HHIPL1: variants seen among roughly 807,000 people sequenced by gnomAD.
The protein encoded by HHIPL1 is HHIP like 1, also known as HHIP-like protein 1.
A neutral mutation model predicts 61.8 loss-of-function variants in HHIPL1; 43 were observed. That is an observed-to-expected ratio of 0.70 (90% confidence interval 0.55 to 0.90). The LOEUF is 0.90. Ranked by LOEUF, HHIPL1 falls within the 40% of genes least tolerant of loss-of-function variation. The pLI, the probability that HHIPL1 is intolerant of heterozygous loss-of-function variation, is 0.00. For synonymous variants in HHIPL1, 482 were observed against 515.8 expected (o/e 0.93, Z 0.89); for missense variants, 1,056 against 1,157.7 (o/e 0.91, Z 1.28).
At chr14:99,632,620 C>T in the HHIPL1 span, among the ~76,000 whole-genome samples, 1 of 152,108 alleles carries the variant, frequency 6.6e-6, no homozygotes, top group Non-Finnish European at 1.5e-5. Flanking sequence ...GCAGCCAGGA[C>T]CACAGTGGCG....
At chr14:99,643,430 A>C (rs1476308783), upstream of HHIPL1, among the ~76,000 whole-genome samples, 1 of 151,988 alleles carries the variant, frequency 6.6e-6, no homozygotes, top group African/African-American at 2.4e-5. Context: ...AACCGAGGTA[A>C]ATAGGTATTA....
chr14:99,653,491 C>A (rs1375935110), intron 2 of HHIPL1, among the ~76,000 whole-genome samples: 2 of 152,210 alleles, frequency 1.3e-5, no homozygotes, highest in African/African-American at 4.8e-5. Context: ...CACCACCACA[C>A]CTGGCTAATT....
chr14:99,616,661 G>GT, the HHIPL1 span, among the ~76,000 whole-genome samples: 5 of 152,044 alleles, frequency 3.3e-5, no homozygotes, highest in South Asian at 2.1e-4. Flanking sequence ...GACTTTTTTG[G>GT]TTTTTTTAAA....
At chr14:99,630,767 G>A in the HHIPL1 span, among the ~76,000 whole-genome samples, 1 of 152,216 alleles carries the variant, frequency 6.6e-6, no homozygotes, top group African/African-American at 2.4e-5. Flanking sequence ...CTGGAGGTTG[G>A]AAGTCCGAGA....
At chr14:99,638,316 G>A in the HHIPL1 span, among the ~76,000 whole-genome samples, 1 of 152,234 alleles carries the variant, frequency 6.6e-6, no homozygotes, top group Non-Finnish European at 1.5e-5. Flanking sequence ...CACCTTGGCG[G>A]TTCTTCTCAA....
In HHIPL1 at chr14:99,675,860, C is replaced by A; in HGVS notation, c.*234C>A. 1 of 425,020 alleles carries A rather than the reference C, an allele frequency of 2.4e-6. No homozygotes were observed. Among genetic ancestry groups the A allele is most frequent in the South Asian group, 7.5e-5 (1 of 13,362 alleles). 26.3% of individuals were successfully genotyped at this position (425,020 alleles called of 1,614,324 possible). On this transcript the variant is annotated 3_prime_UTR_variant, in exon 9 of 9. Transcript: ENST00000330710. The surrounding 1 kb of genome is among the most constrained non-coding windows in gnomAD (Gnocchi z 5.4). ...CTGGAAGTGCATGGTCCATCATGGG[C>A]GGGAGGAGTTCCTTTCTTACCTCCA... is the stretch of plus-strand genomic sequence containing the variant.
rs371967131 is a variant in HHIPL1 at position 99,669,844 on chromosome 14, GA to G, written c.1730+1543del. ...GGATGCTAAGGTGAGAGGATCACTC[GA>G]ACTCAGGAGGTCGAGGCTGCAGTGA... On this transcript the variant is annotated intron_variant, in intron 7 of 8. Transcript: ENST00000330710. 3.0e-3 allele frequency among the ~76,000 whole-genome samples: 462 copies of G among 152,278 alleles called. 7 individuals are homozygous for G. In the Middle Eastern group the frequency reaches 0.048, roughly 16 times the overall value.
At chr14:99,672,842 G>T (rs897222544) in intron 8 of HHIPL1, among the ~76,000 whole-genome samples, 25 of 152,194 alleles carry the variant, frequency 1.6e-4, no homozygotes, top group Admixed American at 1.3e-3. Flanking sequence ...TGGGGGAAGG[G>T]GATGCCCCAG....
chr14:99,632,434 G>A, the HHIPL1 span, among the ~76,000 whole-genome samples: 1 of 152,110 alleles, frequency 6.6e-6, no homozygotes. Context: ...GGCTTCACAG[G>A]GCAGGGCTGC....
At position 99,675,522 on chromosome 14, in the gene HHIPL1, G is replaced by C. The variant is rs542239775; in HGVS notation, c.2245G>C (p.Glu749Gln). ...GGACGATGTGCGCTGCGCGGGCTGG[G>C]AGCGGAACCTGCTGGAGTGCCAGCA... ...LLDDVRCAGW[E>Q]RNLLECQHNG... Residue 749 changes from glutamate to glutamine, a missense_variant, in exon 9 of 9, where the codon GAG becomes CAG. Physicochemically the swap from Glu to Gln is conservative, Grantham distance 29 (BLOSUM62 2). Coordinates refer to ENST00000330710, the MANE Select transcript of HHIPL1 (RefSeq NM_001127258.3). The surrounding 1 kb of genome is among the most constrained non-coding windows in gnomAD (Gnocchi z 5.4). The C allele has an allele frequency of 1.9e-6, 3 of 1,542,340 alleles. No individual in the cohort carries two copies. In the African/African-American group the frequency reaches 4.1e-5, roughly 21 times the overall value.
chr14:99,667,097 C>T (rs1487959643), intron 6 of HHIPL1, among the ~76,000 whole-genome samples: 1 of 151,778 alleles, frequency 6.6e-6, no homozygotes. Context: ...CCCCTCCCTG[C>T]CCCCAGTCCA....
chr14:99,645,784 C>T (rs1250031946), intron 1 of HHIPL1, among the ~76,000 whole-genome samples: 1 of 152,212 alleles, frequency 6.6e-6, no homozygotes, highest in African/African-American at 2.4e-5. Context: ...CCCCTGGAGT[C>T]GACCCCTCAG....
At chr14:99,620,986 G>C in the HHIPL1 span, among the ~76,000 whole-genome samples, 1 of 152,240 alleles carries the variant, frequency 6.6e-6, no homozygotes, top group East Asian at 1.9e-4. Flanking sequence ...CCTGTCCCTA[G>C]AGGTGAACAA....
chr14:99,670,083 A>G (rs2895812), intron 7 of HHIPL1, among the ~76,000 whole-genome samples: 115,666 of 151,686 alleles, frequency 0.76, 44,329 homozygotes, highest in Middle Eastern at 0.83. Flanking sequence ...GTCCATCACT[A>G]TTAATTAAAC....
the HHIPL1 span, among the ~76,000 whole-genome samples, chr14:99,637,247 A>AGT: frequency 6.9e-6 from 1 of 144,964 alleles, no homozygotes; most frequent in African/African-American, 2.7e-5. Flanking sequence ...AAAGAAAGAA[A>AGT]GAAAGAAAGA....
At chr14:99,609,461 C>G in the HHIPL1 span, among the ~76,000 whole-genome samples, 4 of 152,262 alleles carry the variant, frequency 2.6e-5, no homozygotes, top group Non-Finnish European at 5.9e-5. Context: ...AAACCCCATG[C>G]TTGCCCCTGG....
chr14:99,669,381 G>A (rs8014986), intron 7 of HHIPL1: 176,465 of 973,916 alleles, frequency 0.18, 16,955 homozygotes, highest in East Asian at 0.32. Flanking sequence ...TGTCTCTAAC[G>A]CAAGGCCTGA....
At chr14:99,628,367 G>A in the HHIPL1 span, among the ~76,000 whole-genome samples, 1 of 152,140 alleles carries the variant, frequency 6.6e-6, no homozygotes, top group Non-Finnish European at 1.5e-5. Flanking sequence ...ATCACCTGAG[G>A]TCAGGAGTTC....
At chr14:99,659,006 G>T (rs1181918516) in intron 3 of HHIPL1, among the ~76,000 whole-genome samples, 1 of 152,162 alleles carries the variant, frequency 6.6e-6, no homozygotes, top group Non-Finnish European at 1.5e-5. Context: ...CAGAGTGTGT[G>T]GTAAAGAGCT....
Sources: gnomAD v4.1 joint callset for allele counts (sites outside exome capture counted in the v4.1 genomes callset) on GRCh38, gnomAD v4.1.1 for gene constraint, Gnocchi (gnomAD v3.1) non-coding constraint, MANE v1.5 for transcripts, NCBI Gene and HGNC (gene_info 2026-07-23, HGNC 2026-07-21) for gene names.